Variants in GFRA1 observed in about 807,000 individuals in gnomAD.
The protein encoded by GFRA1 is GDNF family receptor alpha-1.
A neutral mutation model predicts 51.6 loss-of-function variants in GFRA1; 16 were observed. The ratio of observed to expected loss-of-function variants is 0.31; its 90% CI spans 0.21 to 0.47. The LOEUF (loss-of-function observed/expected upper bound fraction) is 0.47, where lower values mean the gene tolerates loss of function less well. GFRA1 is among the 20% of genes least tolerant of loss of function. The probability of loss-of-function intolerance (pLI) is 1.00; values close to 1 mark genes in which losing one functional copy is unlikely to be tolerated. For synonymous variants in GFRA1, 270 were observed against 241.3 expected (o/e 1.12, Z -1.10); for missense variants, 530 against 594.3 (o/e 0.89, Z 1.13).
intron 8 of GFRA1, among the ~76,000 whole-genome samples, chr10:116,090,500 AT>A (rs1460651931): frequency 1.3e-5 from 2 of 150,424 alleles, no homozygotes; most frequent in African/African-American, 4.9e-5. Context: ...AAGTAAGATT[AT>A]TTTTTTTCTT....
chr10:116,076,616 C>T (rs972825505), intron 9 of GFRA1, among the ~76,000 whole-genome samples: 1 of 152,172 alleles, frequency 6.6e-6, no homozygotes, highest in African/African-American at 2.4e-5. Context: ...AACCCCAGGT[C>T]ACCAGACTGC....
At chr10:116,092,523 T>C (rs1956394289) in intron 8 of GFRA1, among the ~76,000 whole-genome samples, 1 of 152,054 alleles carries the variant, frequency 6.6e-6, no homozygotes, top group African/African-American at 2.4e-5. Flanking sequence ...TGAGCCTTGA[T>C]TCCCAGAAAC....
intron 5 of GFRA1, among the ~76,000 whole-genome samples, chr10:116,192,658 T>C (rs1349048149): frequency 6.6e-6 from 1 of 152,180 alleles, no homozygotes; most frequent in Non-Finnish European, 1.5e-5. Flanking sequence ...GACCAGCTCC[T>C]GCCCATCTGG....
At chr10:116,113,315 A>G (rs1166622360) in intron 6 of GFRA1, among the ~76,000 whole-genome samples, 1 of 152,114 alleles carries the variant, frequency 6.6e-6, no homozygotes, top group Non-Finnish European at 1.5e-5. Flanking sequence ...TTCACCTGCA[A>G]TCCAGTGTGG....
intron 5 of GFRA1, among the ~76,000 whole-genome samples, chr10:116,199,115 C>A (rs1188063455): frequency 6.6e-6 from 1 of 152,154 alleles, no homozygotes; most frequent in Non-Finnish European, 1.5e-5. Flanking sequence ...GCATGGCCTG[C>A]TGACACCTTG....
chr10:116,267,592 C>T (rs996631911), intron 4 of GFRA1, among the ~76,000 whole-genome samples: 1 of 152,184 alleles, frequency 6.6e-6, no homozygotes, highest in African/African-American at 2.4e-5. Context: ...CATACCCTTC[C>T]AGGCATCAGT....
At chr10:116,221,324 C>T (rs748020034) in intron 4 of GFRA1, among the ~76,000 whole-genome samples, 3 of 152,190 alleles carry the variant, frequency 2.0e-5, no homozygotes, top group Non-Finnish European at 4.4e-5. Flanking sequence ...TACACTGTCT[C>T]TCAATGAATA....
intron 4 of GFRA1, among the ~76,000 whole-genome samples, chr10:116,229,390 A>T (rs1285440207): frequency 6.6e-6 from 1 of 152,092 alleles, no homozygotes; most frequent in Non-Finnish European, 1.5e-5. Context: ...TGCAAGTACA[A>T]ATTGCATCAA....
intron 5 of GFRA1, among the ~76,000 whole-genome samples, chr10:116,130,692 T>C (rs1958070656): frequency 6.6e-6 from 1 of 152,028 alleles, no homozygotes; most frequent in Non-Finnish European, 1.5e-5. Flanking sequence ...ACTAGAATAA[T>C]TGGATAATAA....
intron 4 of GFRA1, among the ~76,000 whole-genome samples, chr10:116,264,780 C>T (rs557647796): frequency 2.6e-5 from 4 of 152,272 alleles, no homozygotes; most frequent in Admixed American, 1.3e-4. Flanking sequence ...GAGAGCAGGG[C>T]CTTCACTGGC....
intron 5 of GFRA1, among the ~76,000 whole-genome samples, chr10:116,131,303 T>C (rs1436732311): frequency 1.3e-5 from 2 of 152,232 alleles, no homozygotes; most frequent in African/African-American, 4.8e-5. Flanking sequence ...CATACATTGT[T>C]GGTGGGAATG....
Position 116,237,564 on chromosome 10 carries a change from A to C in GFRA1, c.419-25919T>G, listed in dbSNP as rs1429702658. ...TACTCGAATAGATTAATGAACCAATAAACTAAAGGCAAAAAAAAAAAAAAA... is the reference window on the plus strand; with the variant it reads ...TACTCGAATAGATTAATGAACCAATCAACTAAAGGCAAAAAAAAAAAAAAA... On this transcript the variant is annotated intron_variant, in intron 4 of 10. Coordinates refer to ENST00000355422, the MANE Select transcript of GFRA1 (RefSeq NM_005264.8). Among the ~76,000 whole-genome samples, 8 of 126,830 alleles carry C rather than the reference A, an allele frequency of 6.3e-5. No homozygotes were observed. The East Asian group carries it at 1.7e-3, about 27-fold the overall frequency. The allele number at this position is 126,830 out of a possible 152,430, so 83.2% of individuals were successfully genotyped here.
At chr10:116,210,975 C>T (rs1178553289) in intron 5 of GFRA1, among the ~76,000 whole-genome samples, 1 of 152,160 alleles carries the variant, frequency 6.6e-6, no homozygotes, top group African/African-American at 2.4e-5. Context: ...TCCTGCTGCA[C>T]CCCAGAGCAC....
chr10:116,230,309 A>C (rs1282249662), intron 4 of GFRA1, among the ~76,000 whole-genome samples: 1 of 152,216 alleles, frequency 6.6e-6, no homozygotes, highest in Non-Finnish European at 1.5e-5. Context: ...AAAGATGAGT[A>C]CTGTTATCTC....
At chr10:116,153,156 C>T (rs751810748) in intron 5 of GFRA1, among the ~76,000 whole-genome samples, 2 of 152,214 alleles carry the variant, frequency 1.3e-5, no homozygotes, top group African/African-American at 4.8e-5. Flanking sequence ...TTTAACACTA[C>T]AAAGCCAGTC....
At chr10:116,185,561 G>C (rs532809444) in intron 5 of GFRA1, among the ~76,000 whole-genome samples, 2 of 152,216 alleles carry the variant, frequency 1.3e-5, no homozygotes, top group Admixed American at 1.3e-4. Flanking sequence ...CATAATCAAT[G>C]ACTGACTAGT....
chr10:116,136,253 A>G (rs1026379370), intron 5 of GFRA1, among the ~76,000 whole-genome samples: 8 of 152,256 alleles, frequency 5.3e-5, no homozygotes, highest in African/African-American at 1.9e-4. Context: ...CATTAGCAGT[A>G]AAATTAATGA....
chr10:116,126,665 C>T (rs1957890955), intron 5 of GFRA1, among the ~76,000 whole-genome samples: 2 of 152,218 alleles, frequency 1.3e-5, no homozygotes, highest in South Asian at 4.1e-4. Flanking sequence ...TGGACAAGCA[C>T]TGCACAGCTG....
chr10:116,218,138 C>A (rs4562724), intron 4 of GFRA1, among the ~76,000 whole-genome samples: 7 of 151,904 alleles, frequency 4.6e-5, no homozygotes, highest in Non-Finnish European at 1.0e-4. Context: ...TAAGAGGTTG[C>A]GGTTAGAACC....
Sources: allele counts gnomAD v4.1 joint callset (sites outside exome capture counted in the v4.1 genomes callset), GRCh38; gene constraint gnomAD v4.1.1; transcripts MANE v1.5; gene names NCBI Gene and HGNC (gene_info 2026-07-23, HGNC 2026-07-21).